The following SYT1 variants were observed in gnomAD, a reference collection of about 807,000 sequenced individuals.
The protein encoded by SYT1 is synaptotagmin 1, also known as synaptotagmin-1.
Under a neutral mutation model 44.8 loss-of-function variants are expected in SYT1, and 8 were observed. The observed-to-expected ratio is 0.18, with a 90% CI of 0.10 to 0.32. The LOEUF (loss-of-function observed/expected upper bound fraction) is 0.32. SYT1 is among the 10% of genes least tolerant of loss of function. The pLI is 1.00. For missense variants in SYT1, 286 were observed against 509.3 expected, an observed-to-expected ratio of 0.56 and a Z score of 4.22; for synonymous variants, 154 against 188.8, an observed-to-expected ratio of 0.82 and a Z score of 1.51.
At chr12:79,169,401 T>A (rs1447023903) in intron 3 of SYT1, among the ~76,000 whole-genome samples, 1 of 151,086 alleles carries the variant, frequency 6.6e-6, no homozygotes. Flanking sequence ...CTAGAAAGAA[T>A]GTAAGAACTT....
chr12:79,286,070 AC>A lies in SYT1; in HGVS notation c.351+102del. On this transcript the variant is annotated intron_variant, in intron 5 of 10. Transcript: ENST00000261205. ...AATTACAGAAATAAACAACTTCTGG[AC>A]CCATATCGTTTTTGAGATGCTTTGC... 3 of 1,339,044 alleles carry A rather than the reference AC, an allele frequency of 2.2e-6. No homozygotes were observed. In the South Asian group the frequency reaches 4.4e-5, roughly 20 times the overall value. The allele number at this position is 1,339,044 out of a possible 1,614,324, so 82.9% of individuals were successfully genotyped here.
chr12:79,270,937 G>A (rs550581881), intron 4 of SYT1, among the ~76,000 whole-genome samples: 6 of 152,168 alleles, frequency 3.9e-5, no homozygotes, highest in Admixed American at 2.0e-4. Context: ...AAATAAATGC[G>A]TAGAACCGCA....
chr12:79,179,552 G>GATATATCT (rs1872377774), intron 3 of SYT1, among the ~76,000 whole-genome samples: 2 of 139,118 alleles, frequency 1.4e-5, no homozygotes, highest in African/African-American at 5.4e-5. Flanking sequence ...TAGAGATATA[G>GATATATCT]ATATAGATTT....
At chr12:79,217,451 G>A in intron 3 of SYT1, 52 bp from the exon 4 acceptor site, 2 of 1,426,878 alleles carry the variant, frequency 1.4e-6, no homozygotes, top group Non-Finnish European at 1.8e-6. Flanking sequence ...TTTGATGTGG[G>A]AGCAGTTAAG....
chr12:78,947,522 T>TAAAAAA (rs71441942), intron 1 of SYT1, among the ~76,000 whole-genome samples: 79 of 142,634 alleles, frequency 5.5e-4, no homozygotes, highest in Non-Finnish European at 7.9e-4. Flanking sequence ...TTGAATCTAG[T>TAAAAAA]AAAAAAAAAA....
intron 1 of SYT1, among the ~76,000 whole-genome samples, chr12:78,976,400 A>AG (rs1273256619): frequency 3.3e-5 from 5 of 152,222 alleles, no homozygotes; most frequent in Admixed American, 2.0e-4. Context: ...TCTCTTGTGA[A>AG]GAATCTGTTC....
chr12:78,980,620 A>G (rs914424250), intron 2 of SYT1, among the ~76,000 whole-genome samples: 1 of 152,194 alleles, frequency 6.6e-6, no homozygotes, highest in Non-Finnish European at 1.5e-5. Context: ...AAAGAATGCT[A>G]TAAATGCTGT....
At chr12:79,125,321 T>C (rs1868370433) in intron 3 of SYT1, among the ~76,000 whole-genome samples, 1 of 151,828 alleles carries the variant, frequency 6.6e-6, no homozygotes, top group Admixed American at 6.6e-5. Flanking sequence ...GAAAGAAAAA[T>C]GTTCAGAGGC....
intron 3 of SYT1, among the ~76,000 whole-genome samples, chr12:79,097,044 T>G (rs1377165000): frequency 2.0e-5 from 3 of 151,928 alleles, no homozygotes; most frequent in African/African-American, 7.2e-5. Context: ...TTGACTGAGG[T>G]TGAATCAGGG....
At position 79,196,149 on chromosome 12, in the gene SYT1, C is replaced by CTGTTGTTGT. The variant is rs58474358; in HGVS notation, c.-17-21324_-17-21316dup. On this transcript the variant is annotated intron_variant, in intron 3 of 10. Coordinates refer to ENST00000261205, the MANE Select transcript of SYT1 (RefSeq NM_005639.3). ...CATGGAGCTATGTACATTTCTAATT[C>CTGTTGTTGT]TGTTGTTGTTGTTGTTGTTGTTGTT... Among the ~76,000 whole-genome samples, 258 of 118,792 alleles carry CTGTTGTTGT rather than the reference C, an allele frequency of 2.2e-3. 1 individual carries two copies. Among genetic ancestry groups the CTGTTGTTGT allele is most frequent in the Middle Eastern group, 8.0e-3 (2 of 250 alleles). The allele number at this position is 118,792 out of a possible 152,430, so 77.9% of individuals were successfully genotyped here.
At chr12:79,053,430 C>T (rs2137803722) in intron 3 of SYT1, among the ~76,000 whole-genome samples, 1 of 152,032 alleles carries the variant, frequency 6.6e-6, no homozygotes, top group South Asian at 2.1e-4. Context: ...ATGGGTGCAG[C>T]ACACCAACAC....
chr12:79,279,022 A>C (rs948134321), intron 4 of SYT1, among the ~76,000 whole-genome samples: 12 of 151,356 alleles, frequency 7.9e-5, no homozygotes, highest in African/African-American at 2.9e-4. Flanking sequence ...AAAAAAAAAA[A>C]AAAAACCTCA....
chr12:79,148,678 T>C (rs1565827313), intron 3 of SYT1, among the ~76,000 whole-genome samples: 2 of 152,168 alleles, frequency 1.3e-5, no homozygotes, highest in African/African-American at 4.8e-5. Flanking sequence ...TCTTTGGCTA[T>C]TGTAAATAAT....
chr12:78,901,801 T>G (rs569199439), intron 1 of SYT1, among the ~76,000 whole-genome samples: 13 of 152,238 alleles, frequency 8.5e-5, no homozygotes, highest in African/African-American at 2.9e-4. Flanking sequence ...TTGAAACATC[T>G]TTAAAAATGG....
intron 1 of SYT1, among the ~76,000 whole-genome samples, chr12:78,912,725 G>T (rs1336045756): frequency 1.3e-5 from 2 of 151,938 alleles, no homozygotes; most frequent in East Asian, 3.9e-4. Context: ...TATAATTATT[G>T]GCTTATTGGG....
At chr12:79,448,245 A>C (rs1185715206) in intron 10 of SYT1, among the ~76,000 whole-genome samples, 1 of 152,230 alleles carries the variant, frequency 6.6e-6, no homozygotes, top group Non-Finnish European at 1.5e-5. Context: ...TGCCAGATAC[A>C]TTGTAGTTAC....
intron 1 of SYT1, among the ~76,000 whole-genome samples, chr12:78,892,250 C>T (rs1183536811): frequency 2.0e-5 from 3 of 151,642 alleles, no homozygotes; most frequent in Admixed American, 1.3e-4. Flanking sequence ...CATCTTATCA[C>T]GTTTTTAACA....
intron 3 of SYT1, among the ~76,000 whole-genome samples, chr12:79,187,950 A>G (rs117335281): frequency 0.013 from 1,910 of 152,210 alleles, 24 homozygotes; most frequent in Middle Eastern, 0.065. Context: ...GGAATATGTC[A>G]TGTTTCATTA....
rs1393020127 is a variant in SYT1, at chr12:79,168,176, T to C, written c.-17-49327T>C. Among the ~76,000 whole-genome samples, 13 of 152,150 alleles carry C rather than the reference T, an allele frequency of 8.5e-5. No homozygotes were observed. The East Asian group carries it at 2.3e-3, about 27-fold the overall frequency. Reference sequence around the variant, plus strand: ...TGTCTTCTAGTTATTCCTTTAGAAATGTAAAGAGACAGGGAGCTTAAGAGA... The same window carrying C: ...TGTCTTCTAGTTATTCCTTTAGAAACGTAAAGAGACAGGGAGCTTAAGAGA... On this transcript the variant is annotated intron_variant, in intron 3 of 10. Transcript: ENST00000261205.
Sources: gnomAD v4.1 joint callset for allele counts (sites outside exome capture counted in the v4.1 genomes callset) on GRCh38, gnomAD v4.1.1 for gene constraint, MANE v1.5 for transcripts, NCBI Gene and HGNC (gene_info 2026-07-23, HGNC 2026-07-21) for gene names.